The following ASIC2 variants were observed in gnomAD, a reference collection of about 807,000 sequenced individuals.
The protein encoded by ASIC2 is acid-sensing ion channel 2.
Under a neutral mutation model 57.3 loss-of-function variants are expected in ASIC2, and 25 were observed. The observed-to-expected ratio is 0.44, with a 90% confidence interval of 0.32 to 0.61. The LOEUF (loss-of-function observed/expected upper bound fraction) is 0.61, where lower values mean the gene tolerates loss of function less well. ASIC2 is among the 20% of genes least tolerant of loss of function. ASIC2 has a pLI of 0.06. For missense variants in ASIC2, 641 were observed against 738.1 expected, an observed-to-expected ratio of 0.87 and a Z score of 1.52; for synonymous variants, 319 against 307.5, an observed-to-expected ratio of 1.04 and a Z score of -0.39.
intron 2 of ASIC2, among the ~76,000 whole-genome samples, chr17:33,110,678 T>C (rs1168817172): frequency 2.0e-5 from 3 of 152,176 alleles, no homozygotes. Flanking sequence ...CAGTCAGTCC[T>C]CCTGGGGTGG....
intron 1 of ASIC2, among the ~76,000 whole-genome samples, chr17:33,149,844 C>T (rs1904716255): frequency 6.6e-6 from 1 of 151,988 alleles, no homozygotes; most frequent in South Asian, 2.1e-4. Context: ...TTCTTCCTTT[C>T]TTATTTTTGT....
intron 1 of ASIC2, among the ~76,000 whole-genome samples, chr17:33,877,998 G>T (rs941937149): frequency 2.1e-4 from 32 of 152,248 alleles, no homozygotes; most frequent in Non-Finnish European, 4.0e-4. Context: ...AGGCAAACAG[G>T]GTCTGGAGTG....
intron 1 of ASIC2, among the ~76,000 whole-genome samples, chr17:33,532,477 T>G (rs1334047012): frequency 6.6e-6 from 1 of 152,220 alleles, no homozygotes; most frequent in Non-Finnish European, 1.5e-5. Context: ...GATGGGCCAC[T>G]AGAAGATCTG....
At chr17:33,016,696 C>T (rs929805113) in intron 8 of ASIC2, among the ~76,000 whole-genome samples, 20 of 151,958 alleles carry the variant, frequency 1.3e-4, no homozygotes, top group Admixed American at 3.9e-4. Context: ...ACTGTGGTTC[C>T]GAGCAGCCTT....
chr17:34,030,344 A>G (rs1010255936), intron 1 of ASIC2, among the ~76,000 whole-genome samples: 2 of 152,180 alleles, frequency 1.3e-5, no homozygotes, highest in Non-Finnish European at 2.9e-5. Context: ...AGGGCCTACT[A>G]TCTGAATTAA....
intron 3 of ASIC2, among the ~76,000 whole-genome samples, chr17:33,066,903 A>G (rs1052986311): frequency 2.6e-5 from 4 of 152,184 alleles, no homozygotes; most frequent in African/African-American, 9.6e-5. Context: ...GGGGACAGAG[A>G]TACAAAAATA....
intron 1 of ASIC2, among the ~76,000 whole-genome samples, chr17:33,667,788 C>G (rs1907523106): frequency 6.6e-6 from 1 of 152,194 alleles, no homozygotes; most frequent in Admixed American, 6.5e-5. Flanking sequence ...GGGCAGAAAT[C>G]TAGTCGTCAG....
chr17:34,030,680 C>T (rs1178617200), intron 1 of ASIC2, among the ~76,000 whole-genome samples: 1 of 152,210 alleles, frequency 6.6e-6, no homozygotes, highest in Non-Finnish European at 1.5e-5. Context: ...TTCCAATGGG[C>T]TTAAACAACG....
At chr17:33,537,490 G>C (rs4795801) in intron 1 of ASIC2, among the ~76,000 whole-genome samples, 81,633 of 152,052 alleles carry the variant, frequency 0.54, 21,941 homozygotes, top group East Asian at 0.6. Context: ...AATGCACTTT[G>C]TGAGGGTGGG....
chr17:33,764,334 G>A (rs1032906735), intron 1 of ASIC2, among the ~76,000 whole-genome samples: 4 of 150,638 alleles, frequency 2.7e-5, no homozygotes, highest in Non-Finnish European at 4.4e-5. Flanking sequence ...AAAAAAAAAG[G>A]CTTTGATTTC....
intron 1 of ASIC2, 92 bp from the exon 2 acceptor site, chr17:33,112,159 G>C: frequency 7.1e-7 from 1 of 1,402,532 alleles, no homozygotes; most frequent in Non-Finnish European, 9.6e-7. Context: ...TCTGACAGCA[G>C]GTCAGAGTCC....
chr17:33,255,929 T>C (rs1909050387), intron 1 of ASIC2, among the ~76,000 whole-genome samples: 2 of 152,202 alleles, frequency 1.3e-5, no homozygotes, highest in Admixed American at 6.5e-5. Context: ...ATATACCCTC[T>C]ACCTAAGTCA....
chr17:34,125,199 C>A (rs548060029), intron 1 of ASIC2, among the ~76,000 whole-genome samples: 1 of 152,072 alleles, frequency 6.6e-6, no homozygotes, highest in East Asian at 1.9e-4. Context: ...CACTGTATGC[C>A]CAGTGTCTGC....
At chr17:33,474,932 C>T (rs1480752254) in intron 1 of ASIC2, among the ~76,000 whole-genome samples, 1 of 152,186 alleles carries the variant, frequency 6.6e-6, no homozygotes, top group Non-Finnish European at 1.5e-5. Context: ...CCTGATTGCG[C>T]TGCACTCTCC....
chr17:34,027,179 C>A (rs370397399), intron 1 of ASIC2, among the ~76,000 whole-genome samples: 2 of 152,322 alleles, frequency 1.3e-5, no homozygotes, highest in East Asian at 3.9e-4. Context: ...ATTTAATAAT[C>A]TGCTCACTGG....
chr17:34,099,953 T>C (rs1255672275), intron 1 of ASIC2, among the ~76,000 whole-genome samples: 3 of 152,140 alleles, frequency 2.0e-5, no homozygotes, highest in Non-Finnish European at 4.4e-5. Flanking sequence ...CTGGATTTTA[T>C]TGGGAAAGCA....
chr17:33,017,952 G>A (rs915284960), intron 7 of ASIC2, among the ~76,000 whole-genome samples: 6 of 152,202 alleles, frequency 3.9e-5, no homozygotes, highest in African/African-American at 1.4e-4. Context: ...CAGGGCTAAC[G>A]GGGTTGTTTG....
At chr17:33,632,586 T>C (rs1008597535) in intron 1 of ASIC2, among the ~76,000 whole-genome samples, 1 of 152,032 alleles carries the variant, frequency 6.6e-6, no homozygotes. Flanking sequence ...GGTGCACTCT[T>C]TGATTTTTAT....
chr17:34,131,858 G>A (rs1275776362), intron 1 of ASIC2, among the ~76,000 whole-genome samples: 3 of 152,216 alleles, frequency 2.0e-5, no homozygotes, highest in African/African-American at 4.8e-5. Flanking sequence ...GCGTGTGAAA[G>A]CCTGAGTGCT....
Sources: gnomAD v4.1 joint callset for allele counts (sites outside exome capture counted in the v4.1 genomes callset) on GRCh38, gnomAD v4.1.1 for gene constraint, MANE v1.5 for transcripts, NCBI Gene and HGNC (gene_info 2026-07-23, HGNC 2026-07-21) for gene names.